Variants in UTRN observed in about 807,000 individuals in gnomAD.
UTRN encodes dystrophin-related protein 1.
In UTRN, 283 loss-of-function variants were observed where a neutral mutation model predicts 463.9. The observed-to-expected ratio is 0.61, with a 90% CI of 0.55 to 0.67. UTRN has a LOEUF of 0.67. UTRN is among the 30% of genes least tolerant of loss of function. The pLI, the probability that UTRN is intolerant of heterozygous loss-of-function variation, is 0.00. For missense variants in UTRN, 3,922 were observed against 4,084.3 expected (o/e 0.96, Z 1.08); for synonymous variants, 1,442 against 1,431.5 (o/e 1.01, Z -0.17).
intron 53 of UTRN, among the ~76,000 whole-genome samples, chr6:144,728,757 T>TA (rs1788192885): frequency 6.6e-6 from 1 of 152,246 alleles, no homozygotes; most frequent in African/African-American, 2.4e-5. Context: ...CACTATATCT[T>TA]AATTGTGGAT....
chr6:144,781,010 G>A lies in UTRN; in HGVS notation c.8633-912G>A, dbSNP rs542306677. 4.6e-5 allele frequency among the ~76,000 whole-genome samples: 7 copies of A among 152,234 alleles called. No individual in the cohort carries two copies. In the South Asian group the frequency reaches 6.2e-4, roughly 14 times the overall value. ...AGTAGTAGCTCTAGCAGAAATTTGC[G>A]TATTCCTCTCATAGGGCATGTTTAC... On this transcript the variant is annotated intron_variant, in intron 60 of 74. Coordinates refer to ENST00000367545, the MANE Select transcript of UTRN (RefSeq NM_007124.3).
At chr6:144,314,370 C>T (rs1244743512) in intron 2 of UTRN, among the ~76,000 whole-genome samples, 1 of 152,188 alleles carries the variant, frequency 6.6e-6, no homozygotes, top group African/African-American at 2.4e-5. Context: ...CTGGCCAGCC[C>T]AGACCCAGGA....
At chr6:144,749,954 A>C (rs1791197130) in intron 55 of UTRN, among the ~76,000 whole-genome samples, 1 of 152,174 alleles carries the variant, frequency 6.6e-6, no homozygotes. Flanking sequence ...TTAATCTTTA[A>C]TAGATAAAAA....
chr6:144,331,722 G>A (rs774919627), intron 2 of UTRN, among the ~76,000 whole-genome samples: 2 of 152,136 alleles, frequency 1.3e-5, no homozygotes, highest in Non-Finnish European at 2.9e-5. Flanking sequence ...GTGGTAAGAC[G>A]TGTGCTCATG....
At chr6:144,573,032 A>G (rs1350896056) in intron 50 of UTRN, among the ~76,000 whole-genome samples, 1 of 152,112 alleles carries the variant, frequency 6.6e-6, no homozygotes, top group African/African-American at 2.4e-5. Context: ...AAGCATTCCT[A>G]TTTCTCCACA....
intron 2 of UTRN, among the ~76,000 whole-genome samples, chr6:144,334,306 G>T (rs1442055690): frequency 1.4e-5 from 2 of 146,230 alleles, no homozygotes; most frequent in East Asian, 4.0e-4. Flanking sequence ...CCTCTTTCCG[G>T]TGTGTGTTTG....
intron 13 of UTRN, among the ~76,000 whole-genome samples, chr6:144,441,023 C>T (rs1189734070): frequency 6.6e-6 from 1 of 152,170 alleles, no homozygotes; most frequent in Non-Finnish European, 1.5e-5. Context: ...TTACCTCCCA[C>T]TGGGTTCCTC....
intron 2 of UTRN, among the ~76,000 whole-genome samples, chr6:144,363,119 T>G (rs983168019): frequency 7.2e-5 from 11 of 152,194 alleles, no homozygotes; most frequent in Non-Finnish European, 1.6e-4. Flanking sequence ...ACATAATAAT[T>G]GATGGACACA....
intron 66 of UTRN, 151 bp from the exon 67 acceptor site, chr6:144,827,197 T>C: frequency 1.2e-6 from 1 of 824,232 alleles, no homozygotes. Context: ...GTGACTTCTG[T>C]TACTTTTGAT....
chr6:144,624,148 A>G (rs1322065183), intron 51 of UTRN, among the ~76,000 whole-genome samples: 1 of 152,182 alleles, frequency 6.6e-6, no homozygotes, highest in East Asian at 1.9e-4. Context: ...CAGTGTTGCC[A>G]AGTAGTGTCT....
Position 144,510,972 on chromosome 6 carries a change from A to G in UTRN, c.4793A>G (p.Lys1598Arg), listed in dbSNP as rs766542658. 2 of 1,604,166 alleles carry G rather than the reference A, an allele frequency of 1.2e-6. No individual in the cohort carries two copies. Among genetic ancestry groups the G allele is most frequent in the Non-Finnish European group, 1.7e-6 (2 of 1,173,978 alleles). Residue 1598 changes from lysine to arginine, a missense_variant, in exon 35 of 75, where the codon AAA becomes AGA. Lys to Arg is a conservative substitution (Grantham distance 26). Around this residue, in one of 3 missense-constraint regions of UTRN, gnomAD observed 2,349 missense variants for 2,303.8 expected, o/e 1.02. Transcript: ENST00000367545. ...KNVLKDLEKR[K>R]ADLNTITESS... is the part of the protein sequence containing the mutation. ...GTTCTGAAGGATCTGGAAAAGAGAA[A>G]AGCTGATTTAAATACCATCACAGAG...
chr6:144,525,630 C>G (rs1796505410), intron 41 of UTRN, among the ~76,000 whole-genome samples: 2 of 149,570 alleles, frequency 1.3e-5, no homozygotes, highest in Non-Finnish European at 1.5e-5. Flanking sequence ...AGAGAACCAG[C>G]TTTTTGTTTC....
chr6:144,726,748 A>T (rs1787920066), intron 53 of UTRN, among the ~76,000 whole-genome samples: 1 of 152,150 alleles, frequency 6.6e-6, no homozygotes, highest in Non-Finnish European at 1.5e-5. Flanking sequence ...CAGCCTTAAA[A>T]AGGATGAGGG....
chr6:144,818,991 C>G (rs1369645691), intron 65 of UTRN, among the ~76,000 whole-genome samples: 1 of 150,006 alleles, frequency 6.7e-6, no homozygotes, highest in Non-Finnish European at 1.5e-5. Flanking sequence ...TCCTTGAATT[C>G]TTTTTCTTTT....
At chr6:144,392,945 T>C (rs1229870755) in intron 2 of UTRN, among the ~76,000 whole-genome samples, 1 of 150,958 alleles carries the variant, frequency 6.6e-6, no homozygotes, top group East Asian at 1.9e-4. Flanking sequence ...CCTTTACAAA[T>C]TTTTTAAATG....
rs1471064613 is a variant in UTRN, at chr6:144,840,720, C to T, written c.10178-20C>T. On this transcript the variant is annotated intron_variant, in intron 72 of 74. Coordinates refer to ENST00000367545, the MANE Select transcript of UTRN (RefSeq NM_007124.3). ...CATTAATTTGAGAAGCTTTGTTGTTCTCTTTATTTGCTGTCACAGCGGGAG... is the reference window on the plus strand; with the variant it reads ...CATTAATTTGAGAAGCTTTGTTGTTTTCTTTATTTGCTGTCACAGCGGGAG... 10 of 1,612,966 alleles carry T rather than the reference C, an allele frequency of 6.2e-6. No individual in the cohort carries two copies. The highest frequency in any genetic ancestry group is 7.6e-6 in the Non-Finnish European group (9 of 1,179,568).
intron 39 of UTRN, among the ~76,000 whole-genome samples, chr6:144,519,571 G>A (rs920750753): frequency 6.6e-6 from 1 of 151,980 alleles, no homozygotes; most frequent in East Asian, 1.9e-4. Context: ...GTAAAGTCTC[G>A]GTCAGATCTC....
Position 144,835,841 on chromosome 6 carries a change from A to G in UTRN, c.9727A>G (p.Ser3243Gly), listed in dbSNP as rs751282995. The part of the protein sequence containing the change: ...CQTLGGESPV[S>G]QPQSPAQILK... The stretch of plus-strand genomic sequence containing the variant: ...AACACTCGGAGGAGAGTCCCCAGTG[A>G]GCCAGCCGCAGAGCCCAGCTCAGAT... Residue 3243 changes from serine (S) to glycine (G), a missense_variant, in exon 70 of 75, where the codon AGC becomes GGC. Physicochemically the swap from Ser to Gly is moderately conservative, Grantham distance 56. Transcript: ENST00000367545. 2 of 1,614,018 alleles carry G rather than the reference A, an allele frequency of 1.2e-6. No homozygotes were observed. Among genetic ancestry groups the G allele is most frequent in the East Asian group, 4.5e-5 (2 of 44,884 alleles).
Position 144,491,030 on chromosome 6 carries a change from A to G in UTRN, c.4365A>G (p.Lys1455=), listed in dbSNP as rs1793014444. ...LDCKRVLDGV[K]AELHVLDVKD... is the part of the protein sequence containing the mutation. Reference sequence around the variant, plus strand: ...GCAAGCGTGTGCTGGATGGCGTGAAAGCAGAACTTCACGTTCTGGATGTGA... The same window carrying G: ...GCAAGCGTGTGCTGGATGGCGTGAAGGCAGAACTTCACGTTCTGGATGTGA... Residue 1455 remains lysine (K), a synonymous_variant, in exon 32 of 75, where the codon AAA becomes AAG. Transcript: ENST00000367545. 1 of 1,614,052 alleles carries G rather than the reference A, an allele frequency of 6.2e-7. No homozygotes were observed. Among genetic ancestry groups the G allele is most frequent in the Non-Finnish European group, 8.5e-7 (1 of 1,179,972 alleles).
Sources: allele counts gnomAD v4.1 joint callset (sites outside exome capture counted in the v4.1 genomes callset), GRCh38; gene constraint gnomAD v4.1.1; regional missense constraint gnomAD v4.1.1; transcripts MANE v1.5; gene names NCBI Gene and HGNC (gene_info 2026-07-23, HGNC 2026-07-21).